The following POU2AF1 variants were observed in gnomAD, a reference collection of about 807,000 sequenced individuals.
The protein encoded by POU2AF1 is POU domain class 2-associating factor 1.
POU2AF1 carries 12 observed loss-of-function variants against 26.3 expected under a neutral mutation model. That is an observed-to-expected ratio of 0.46 (90% confidence interval 0.29 to 0.74). POU2AF1 has a LOEUF of 0.74. POU2AF1 is among the 30% of genes least tolerant of loss of function. The pLI is 0.09. For synonymous variants in POU2AF1, 175 were observed against 148.0 expected (o/e 1.18, Z -1.32); for missense variants, 297 against 334.5 (o/e 0.89, Z 0.87).
chr11:111,378,776 C>T (rs1861361350), intron 1 of POU2AF1, among the ~76,000 whole-genome samples: 1 of 152,156 alleles, frequency 6.6e-6, no homozygotes, highest in African/African-American at 2.4e-5. Context: ...GAAATAAAGC[C>T]CCTCCTGTAA....
intron 1 of POU2AF1, chr11:111,363,383 G>A (rs973583072): frequency 2.7e-5 from 28 of 1,018,712 alleles, no homozygotes; most frequent in African/African-American, 1.2e-4. Flanking sequence ...GGAGCCCAAC[G>A]GCCAAGTGTT....
At chr11:111,370,001 G>A (rs1018858683) in intron 1 of POU2AF1, among the ~76,000 whole-genome samples, 17 of 152,156 alleles carry the variant, frequency 1.1e-4, no homozygotes, top group African/African-American at 3.1e-4. Context: ...CTTTTCCTGA[G>A]ACCATCATGT....
Position 111,358,777 on chromosome 11 carries a change from C to G in POU2AF1, c.147+11G>C, listed in dbSNP as rs754278603. ...ACACACACTCACACTCTCACACACA[C>G]AAACTCTCACCGCCGTAGGTGCAGG... On this transcript the variant is annotated intron_variant, in intron 2 of 4. Transcript: ENST00000393067. 8 of 1,571,570 alleles carry G rather than the reference C, an allele frequency of 5.1e-6. No individual in the cohort carries two copies. In the East Asian group the frequency reaches 1.9e-4, roughly 37 times the overall value.
rs1860772506 is a variant in POU2AF1 at position 111,353,318 on chromosome 11, T to C, written c.*943A>G. The stretch of plus-strand genomic sequence containing the variant: ...AATAACCAAGTAATCTGGAGCCAAG[T>C]CATTCCTCAGCCTTCCTCCTCCCTG... On this transcript the variant is annotated 3_prime_UTR_variant, in exon 5 of 5. Transcript: ENST00000393067. 2.1e-5 allele frequency: 5 copies of C among 233,642 alleles called. No individual in the cohort carries two copies. The South Asian group carries it at 9.1e-4, about 42-fold the overall frequency. The allele number at this position is 233,642 out of a possible 1,614,324, so 14.5% of individuals were successfully genotyped here.
Position 111,358,336 on chromosome 11 carries a change from T to A in POU2AF1, c.147+452A>T, listed in dbSNP as rs61896824. Among the ~76,000 whole-genome samples the A allele has an allele frequency of 2.5e-4, 29 of 115,272 alleles. 1 individual carries two copies. Among genetic ancestry groups the A allele is most frequent in the African/African-American group, 7.5e-4 (23 of 30,636 alleles). The allele number at this position is 115,272 out of a possible 152,430, so 75.6% of individuals were successfully genotyped here. A position where few individuals can be genotyped will look rare whatever the true frequency, so the allele number is the denominator to read the frequency against. ...CTCACACACGTACTCTCTCACACAC[T>A]CTCACACTCTCACACTCACACTCTC... On this transcript the variant is annotated intron_variant, in intron 2 of 4. Transcript: ENST00000393067.
At chr11:111,378,302 A>G (rs1453850846) in intron 1 of POU2AF1, among the ~76,000 whole-genome samples, 2 of 152,228 alleles carry the variant, frequency 1.3e-5, no homozygotes, top group East Asian at 3.8e-4. Context: ...TTTAAGAGAA[A>G]GACAGAGCAA....
intron 4 of POU2AF1, among the ~76,000 whole-genome samples, chr11:111,355,748 T>C (rs955606808): frequency 2.6e-5 from 4 of 152,178 alleles, no homozygotes; most frequent in African/African-American, 9.7e-5. Context: ...CACAGAATGA[T>C]AGAGCTGGAA....
At chr11:111,377,738 T>G (rs553986697) in intron 1 of POU2AF1, 1 of 179,308 alleles carries the variant, frequency 5.6e-6, no homozygotes, top group South Asian at 2.0e-4. Context: ...GGCACACAGA[T>G]GCTTAGGGGC....
At chr11:111,363,123 C>CA in intron 1 of POU2AF1, 18 of 1,010,316 alleles carry the variant, frequency 1.8e-5, no homozygotes, top group Non-Finnish European at 2.0e-5. Flanking sequence ...AACTCAGTGT[C>CA]AACAGGTGTG....
chr11:111,353,427 G>A lies in POU2AF1; in HGVS notation c.*834C>T, dbSNP rs140573641. ...CCATCCCTCCTCTGTCCCTCTCTTC[G>A]TCACTGGCCTGTCCCCACCCACCCT... On this transcript the variant is annotated 3_prime_UTR_variant, in exon 5 of 5. Coordinates refer to ENST00000393067, the MANE Select transcript of POU2AF1 (RefSeq NM_006235.3). 201 of 233,402 alleles carry A rather than the reference G, an allele frequency of 8.6e-4. 2 individuals are homozygous for A. The highest frequency in any genetic ancestry group is 3.7e-3 in the African/African-American group (166 of 45,254). 14.5% of individuals were successfully genotyped at this position (233,402 alleles called of 1,614,324 possible).
chr11:111,374,851 T>C (rs1861278449), intron 1 of POU2AF1, among the ~76,000 whole-genome samples: 1 of 152,260 alleles, frequency 6.6e-6, no homozygotes, highest in Admixed American at 6.5e-5. Context: ...CTTAAATTTA[T>C]GTAGGAGATA....
At chr11:111,379,080 C>G in intron 1 of POU2AF1, 82 bp downstream of exon 1, 1 of 1,586,508 alleles carries the variant, frequency 6.3e-7, no homozygotes, top group Non-Finnish European at 8.6e-7. Flanking sequence ...CCACCACCAG[C>G]TCCCCAATTC....
At chr11:111,375,543 C>A (rs1213466823) in intron 1 of POU2AF1, among the ~76,000 whole-genome samples, 1 of 151,946 alleles carries the variant, frequency 6.6e-6, no homozygotes, top group East Asian at 1.9e-4. Context: ...ACTACAGGGG[C>A]CTGCCACCAC....
At chr11:111,365,614 A>C (rs960803987) in intron 1 of POU2AF1, among the ~76,000 whole-genome samples, 14 of 152,184 alleles carry the variant, frequency 9.2e-5, no homozygotes. Flanking sequence ...ATGGCCAACA[A>C]ACTTGCCCTG....
At chr11:111,367,140 A>G (rs1861120476) in intron 1 of POU2AF1, among the ~76,000 whole-genome samples, 1 of 152,140 alleles carries the variant, frequency 6.6e-6, no homozygotes, top group African/African-American at 2.4e-5. Flanking sequence ...CAAGACTCCC[A>G]GGGATCCTTT....
intron 1 of POU2AF1, chr11:111,363,320 T>A: frequency 9.7e-7 from 1 of 1,026,010 alleles, no homozygotes; most frequent in Non-Finnish European, 1.2e-6. Context: ...TCATAGTGAC[T>A]TTGCAAAGTG....
intron 2 of POU2AF1, among the ~76,000 whole-genome samples, chr11:111,358,181 G>T (rs1860891191): frequency 6.6e-6 from 1 of 151,998 alleles, no homozygotes; most frequent in Non-Finnish European, 1.5e-5. Context: ...CATCCCAGTT[G>T]CTCCACCCTA....
chr11:111,358,360 TCA>T (rs1360388930), intron 2 of POU2AF1, among the ~76,000 whole-genome samples: 4 of 83,418 alleles, frequency 4.8e-5, no homozygotes, highest in Non-Finnish European at 1.2e-4. Context: ...ACTCACACTC[TCA>T]CACACTCACA....
chr11:111,375,605 T>G (rs1861296027), intron 1 of POU2AF1, among the ~76,000 whole-genome samples: 1 of 152,048 alleles, frequency 6.6e-6, no homozygotes, highest in Admixed American at 6.6e-5. Flanking sequence ...TTCACCATGT[T>G]AGCCAGGATG....
Sources: allele counts gnomAD v4.1 joint callset (sites outside exome capture counted in the v4.1 genomes callset), GRCh38; gene constraint gnomAD v4.1.1; transcripts MANE v1.5; gene names NCBI Gene and HGNC (gene_info 2026-07-23, HGNC 2026-07-21).